UBR4: variants seen among roughly 807,000 people sequenced by gnomAD.
UBR4 encodes the protein ubiquitin protein ligase E3 component n-recognin 4, also known as E3 ubiquitin-protein ligase UBR4.
In UBR4, 124 loss-of-function variants were observed where a neutral mutation model predicts 575.6. That is an observed-to-expected ratio of 0.22 (90% CI 0.19 to 0.25). The LOEUF (loss-of-function observed/expected upper bound fraction) is 0.25. Among genes scored for constraint, UBR4 ranks in the 10% least tolerant of loss-of-function variants. The pLI, the probability that UBR4 is intolerant of heterozygous loss-of-function variation, is 1.00. For synonymous variants in UBR4, 2,455 were observed against 2,473.7 expected (o/e 0.99, Z 0.22); for missense variants, 4,818 against 6,478.8 (o/e 0.74, Z 8.80).
Position 19,145,815 on chromosome 1 carries a change from G to A in UBR4, c.7923C>T (p.Phe2641=). 6.2e-7 allele frequency: 1 copy of A among 1,614,134 alleles called. No homozygotes were observed. The change falls in exon 53 of 106, where the codon TTC becomes TTT. Residue 2641 remains phenylalanine, a synonymous_variant. Coordinates refer to ENST00000375254, the MANE Select transcript of UBR4 (RefSeq NM_020765.3). ...KLHASKPKNA[F]LAPACLPGLT... The stretch of plus-strand genomic sequence containing the variant: ...TACCTGGAAGGCAGGCAGGTGCCAA[G>A]AAGGCATTCTTGGGTTTGGATGCAT...
Position 19,081,124 on chromosome 1 carries a change from G to A in UBR4, c.15233+225C>T, listed in dbSNP as rs115201698. On this transcript the variant is annotated intron_variant, in intron 103 of 105. Transcript: ENST00000375254. ...AACATTTTCTACAGTAGGTAAGACT[G>A]GCTCTACCTTTCTAGTAGCGGAACA... is the stretch of plus-strand genomic sequence containing the variant. The A allele has an allele frequency of 4.4e-3, 2,213 of 508,344 alleles. 48 individuals carry two copies. Among genetic ancestry groups the A allele is most frequent in the African/African-American group, 0.039 (2,052 of 52,742 alleles). 31.5% of individuals were successfully genotyped at this position (508,344 alleles called of 1,614,324 possible). A position where few individuals can be genotyped will look rare whatever the true frequency, so the allele number is the denominator to read the frequency against.
At chr1:19,099,740 G>A (rs2078426717) in intron 89 of UBR4, 63 bp from the exon 90 acceptor site, 1 of 1,448,672 alleles carries the variant, frequency 6.9e-7, no homozygotes, top group Admixed American at 1.8e-5. Flanking sequence ...AAATCCAAGA[G>A]CAAAGGGCAC....
intron 54 of UBR4, among the ~76,000 whole-genome samples, 163 bp from the exon 55 acceptor site, chr1:19,144,254 C>T (rs1270710342): frequency 6.6e-6 from 1 of 152,178 alleles, no homozygotes. Context: ...AGTTAATCCC[C>T]GCTTCCTGTT....
intron 66 of UBR4, 62 bp downstream of exon 66, chr1:19,122,771 C>T: frequency 1.3e-6 from 2 of 1,572,830 alleles, no homozygotes; most frequent in Non-Finnish European, 1.7e-6. Flanking sequence ...AGCCCTATTA[C>T]CTACTTGGCT....
intron 39 of UBR4, 39 bp downstream of exon 39, chr1:19,160,072 T>A (rs2087082720): frequency 6.3e-7 from 1 of 1,592,476 alleles, no homozygotes; most frequent in Non-Finnish European, 8.6e-7. Flanking sequence ...ATTTGTTGGT[T>A]CCCACAGCCA....
At chr1:19,184,382 T>C (rs1341190627) in intron 15 of UBR4, among the ~76,000 whole-genome samples, 1 of 152,204 alleles carries the variant, frequency 6.6e-6, no homozygotes, top group Non-Finnish European at 1.5e-5. Flanking sequence ...TTACACAAAA[T>C]GGCATTCCAG....
At chr1:19,203,298 C>T (rs1469305160) in intron 1 of UBR4, among the ~76,000 whole-genome samples, 1 of 151,926 alleles carries the variant, frequency 6.6e-6, no homozygotes, top group East Asian at 1.9e-4. Context: ...GCCAGGAGTT[C>T]GAGACCAGCC....
chr1:19,183,745 T>C, intron 17 of UBR4, 66 bp downstream of exon 17: 1 of 1,498,064 alleles, frequency 6.7e-7, no homozygotes, highest in Admixed American at 1.7e-5. Context: ...AACAAACAAT[T>C]GGAGCTGCAG....
At chr1:19,188,527 C>G (rs1435091452) in intron 11 of UBR4, among the ~76,000 whole-genome samples, 1 of 152,132 alleles carries the variant, frequency 6.6e-6, no homozygotes, top group Non-Finnish European at 1.5e-5. Context: ...GCACTCCAAC[C>G]TGGGCGATAG....
chr1:19,173,217 A>G lies in UBR4; in HGVS notation c.3255T>C (p.Tyr1085=). Residue 1085 remains tyrosine (Y), a synonymous_variant, in exon 24 of 106, where the codon TAT becomes TAC. Transcript: ENST00000375254. ...AGTATTCCTCTACTATTTCAACATC[A>G]TATTTCACTGAGCTACACTTAGTGG... ...ASTTKCSSVK[Y]DVEIVEEYFA... is the part of the protein sequence containing the mutation. The G allele has an allele frequency of 2.5e-6, 4 of 1,614,216 alleles. No individual in the cohort carries two copies. Among genetic ancestry groups the G allele is most frequent in the Non-Finnish European group, 3.4e-6 (4 of 1,180,036 alleles).
chr1:19,079,824 T>G (rs1471698997), intron 103 of UBR4: 2 of 152,276 alleles, frequency 1.3e-5, no homozygotes, highest in African/African-American at 2.4e-5. Flanking sequence ...GTGGCTGTTG[T>G]GCTTTGGTAA....
At chr1:19,082,452 G>T (rs1479195870) in intron 102 of UBR4, among the ~76,000 whole-genome samples, 1 of 152,206 alleles carries the variant, frequency 6.6e-6, no homozygotes, top group Non-Finnish European at 1.5e-5. Flanking sequence ...TCTCCACGCT[G>T]AAGCTTTGAC....
At chr1:19,094,166 C>A in intron 94 of UBR4, 27 bp from the exon 95 acceptor site, 1 of 1,588,002 alleles carries the variant, frequency 6.3e-7, no homozygotes, top group Non-Finnish European at 8.6e-7. Context: ...GGTGAACATG[C>A]CATTAATGCA....
rs1265887644 is a variant in UBR4 at position 19,089,598 on chromosome 1, CG to C, written c.14212-622del. Among the ~76,000 whole-genome samples, 1 of 152,162 alleles carries C rather than the reference CG, an allele frequency of 6.6e-6. No individual in the cohort carries two copies. The highest frequency in any genetic ancestry group is 2.4e-5 in the African/African-American group (1 of 41,436). On this transcript the variant is annotated intron_variant, in intron 97 of 105. Transcript: ENST00000375254. The surrounding 1 kb of genome is among the most constrained non-coding windows in gnomAD (Gnocchi z 4.3). ...ACTACGTATAGCGCTATGTGATAAA[CG>C]GGGGTGGAGAACATCAGAAGGCTAA... is the stretch of plus-strand genomic sequence containing the variant.
Position 19,104,329 on chromosome 1 carries a change from T to C in UBR4, c.12728-72A>G, listed in dbSNP as rs948539443. 4 of 1,556,766 alleles carry C rather than the reference T, an allele frequency of 2.6e-6. No individual in the cohort carries two copies. The Admixed American group carries it at 7.3e-5, about 29-fold the overall frequency. On this transcript the variant is annotated intron_variant, in intron 86 of 105. Transcript: ENST00000375254. ...TAAGGACAGTCTGTGTCTCAAAAGA[T>C]TATGAGCAACTCAAAAAGCAGGGAA...
intron 57 of UBR4, among the ~76,000 whole-genome samples, chr1:19,141,134 C>A (rs1315712114): frequency 6.6e-6 from 1 of 152,212 alleles, no homozygotes; most frequent in Non-Finnish European, 1.5e-5. Flanking sequence ...GAGGAAATAA[C>A]CCAAACTGGC....
intron 50 of UBR4, 75 bp from the exon 51 acceptor site, chr1:19,148,202 C>A: frequency 6.6e-7 from 1 of 1,506,616 alleles, no homozygotes; most frequent in Non-Finnish European, 8.9e-7. Flanking sequence ...ACTCTGCCTG[C>A]CCTTCCTTCC....
intron 48 of UBR4, 197 bp from the exon 49 acceptor site, chr1:19,150,990 C>G (rs1439980235): frequency 8.0e-6 from 5 of 622,022 alleles, no homozygotes; most frequent in Non-Finnish European, 1.4e-5. Context: ...TTCCATGGAC[C>G]AAAAGCCGAT....
rs1403450632 is a variant in UBR4 at position 19,197,150 on chromosome 1, G to A, written c.1009C>T (p.Leu337=). 6.2e-7 allele frequency: 1 copy of A among 1,614,088 alleles called. No homozygotes were observed. The highest frequency in any genetic ancestry group is 1.7e-5 in the Admixed American group (1 of 60,010). ...TATAATAACTTCTCACCTGCATACA[G>A]ACAACTTAGGCTGAGGACTGTCACA... ...QDVTVLSLSC[L]YAGVSVATCM... The change falls in exon 8 of 106, where the codon CTG becomes TTG. Residue 337 remains leucine, a synonymous_variant. Transcript: ENST00000375254.
Sources: gnomAD v4.1 joint callset for allele counts (sites outside exome capture counted in the v4.1 genomes callset) on GRCh38, gnomAD v4.1.1 for gene constraint, Gnocchi (gnomAD v3.1) non-coding constraint, MANE v1.5 for transcripts, NCBI Gene and HGNC (gene_info 2026-07-23, HGNC 2026-07-21) for gene names.